The following PLPPR4 variants were observed in gnomAD, a reference collection of about 807,000 sequenced individuals.
PLPPR4 encodes phospholipid phosphatase related 4, also known as phospholipid phosphatase-related protein type 4.
A neutral mutation model predicts 56.6 loss-of-function variants in PLPPR4; 24 were observed. That is an observed-to-expected ratio of 0.42 (90% CI 0.31 to 0.60). The LOEUF is 0.60. Among genes scored for constraint, PLPPR4 ranks in the 20% least tolerant of loss-of-function variants. The pLI is 0.13. For missense variants in PLPPR4, 654 were observed against 885.8 expected, an observed-to-expected ratio of 0.74 and a Z score of 3.32; for synonymous variants, 326 against 328.1, an observed-to-expected ratio of 0.99 and a Z score of 0.07.
chr1:99,293,753 G>A (rs1292627042), intron 2 of PLPPR4, among the ~76,000 whole-genome samples: 2 of 152,168 alleles, frequency 1.3e-5, no homozygotes, highest in African/African-American at 4.8e-5. Flanking sequence ...AAGATACTAT[G>A]ATGAATACTA....
chr1:99,301,785 C>T lies in PLPPR4; in HGVS notation c.710C>T (p.Thr237Ile), dbSNP rs1053944118. 2 of 1,612,504 alleles carry T rather than the reference C, an allele frequency of 1.2e-6. No homozygotes were observed. The highest frequency in any genetic ancestry group is 1.7e-6 in the Non-Finnish European group (2 of 1,178,874). The change falls in exon 6 of 7, where the codon ACA (threonine) becomes ATA (isoleucine). Residue 237 changes from threonine to isoleucine, a missense_variant. Thr to Ile is a moderately conservative substitution (Grantham distance 89). Transcript: ENST00000370185. ...SKLLKPLLVF[T>I]FIICGIICGL... Reference sequence around the variant, plus strand: ...CTTCTGAAACCTCTCTTGGTCTTCACATTTATCATCTGTGGAATAATCTGC... The same window carrying T: ...CTTCTGAAACCTCTCTTGGTCTTCATATTTATCATCTGTGGAATAATCTGC...
rs756382926 is a variant in PLPPR4, at chr1:99,306,091, G to C, written c.1229G>C (p.Arg410Pro). 2 of 1,614,112 alleles carry C rather than the reference G, an allele frequency of 1.2e-6. No homozygotes were observed. Among genetic ancestry groups the C allele is most frequent in the Non-Finnish European group, 8.5e-7 (1 of 1,180,016 alleles). ...LTQWKNKNESRKLSLQVIEPE... is the reference protein window; with the variant it reads ...LTQWKNKNESPKLSLQVIEPE... ...CAGTGGAAGAATAAGAATGAAAGTC[G>C]AAAGTTGTCCTTGCAAGTTATAGAG... The change falls in exon 7 of 7, where the codon CGA (arginine) becomes CCA (proline). Residue 410 changes from arginine to proline, a missense_variant. This residue lies in a region of PLPPR4 where 468 missense variants were observed against 554.3 expected (regional missense o/e 0.84). Coordinates refer to ENST00000370185, the MANE Select transcript of PLPPR4 (RefSeq NM_014839.5). This position sits in a 1 kb window ranked among gnomAD's most constrained non-coding sequence, Gnocchi z 4.0.
Position 99,300,892 on chromosome 1 carries a change from CTA to C in PLPPR4, c.591-15_591-14del. 1 of 1,606,440 alleles carries C rather than the reference CTA, an allele frequency of 6.2e-7. No individual in the cohort carries two copies. On this transcript the variant is annotated splice_polypyrimidine_tract_variant and intron_variant, in intron 4 of 6. Transcript: ENST00000370185. ...ATCTGAACTACAAGGCATAATTTGACTATCTTCTTTTGGCAGAAAGTCCTTCC... is the reference window on the plus strand; with the variant it reads ...ATCTGAACTACAAGGCATAATTTGACTCTTCTTTTGGCAGAAAGTCCTTCC...
In PLPPR4 at chr1:99,306,042, G is replaced by C. The variant is rs1324045981; in HGVS notation, c.1180G>C (p.Ala394Pro). ...NASIHASMDSARSKQLLTQWK... is the reference protein window; with the variant it reads ...NASIHASMDSPRSKQLLTQWK... ...GAGCATTCATGCCTCTATGGATTCC[G>C]CTCGATCAAAGCAGCTCCTCACCCA... Residue 394 changes from alanine to proline, a missense_variant, in exon 7 of 7, where the codon GCT becomes CCT. Around this residue, in one of 2 missense-constraint regions of PLPPR4, gnomAD observed 468 missense variants for 554.3 expected, o/e 0.84. Transcript: ENST00000370185. This position sits in a 1 kb window ranked among gnomAD's most constrained non-coding sequence, Gnocchi z 4.0. 12 of 1,613,996 alleles carry C rather than the reference G, an allele frequency of 7.4e-6. No individual in the cohort carries two copies. The highest frequency in any genetic ancestry group is 1.0e-5 in the Non-Finnish European group (12 of 1,180,026).
At position 99,297,254 on chromosome 1, in the gene PLPPR4, T is replaced by G. The variant is rs12027425; in HGVS notation, c.394+387T>G. Among the ~76,000 whole-genome samples, 3 of 152,274 alleles carry G rather than the reference T, an allele frequency of 2.0e-5. No homozygotes were observed. In the East Asian group the frequency reaches 5.8e-4, roughly 29 times the overall value. ...GAATTACTTTAGCCACATTAATGAT[T>G]CCATTTCAATTGTCCTGGAGTGTTT... On this transcript the variant is annotated intron_variant, in intron 3 of 6. Coordinates refer to ENST00000370185, the MANE Select transcript of PLPPR4 (RefSeq NM_014839.5).
Position 99,270,336 on chromosome 1 carries a change from G to C in PLPPR4, c.78+5665G>C, listed in dbSNP as rs79285667. 6.5e-3 allele frequency among the ~76,000 whole-genome samples: 985 copies of C among 152,216 alleles called. 6 individuals carry two copies. The highest frequency in any genetic ancestry group is 0.016 in the South Asian group (77 of 4,828). On this transcript the variant is annotated intron_variant, in intron 1 of 6. Coordinates refer to ENST00000370185, the MANE Select transcript of PLPPR4 (RefSeq NM_014839.5). ...CCACTGCACCTGGCCTACTCAGAAA[G>C]TTTTCATTACTTTGAATGTGTACTT...
At chr1:99,265,975 G>GA (rs914578835) in intron 1 of PLPPR4, among the ~76,000 whole-genome samples, 9 of 151,000 alleles carry the variant, frequency 6.0e-5, no homozygotes, top group Admixed American at 1.3e-4. Context: ...TAGAAAAGAA[G>GA]AAAAAAAAAT....
chr1:99,288,621 A>C (rs980938102), intron 2 of PLPPR4, among the ~76,000 whole-genome samples: 1 of 152,124 alleles, frequency 6.6e-6, no homozygotes, highest in Non-Finnish European at 1.5e-5. Context: ...AATTATAAAG[A>C]TATAAAAACT....
In PLPPR4 at chr1:99,302,678, C is replaced by A. The variant is rs564773009; in HGVS notation, c.822+781C>A. On this transcript the variant is annotated intron_variant, in intron 6 of 6. Coordinates refer to ENST00000370185, the MANE Select transcript of PLPPR4 (RefSeq NM_014839.5). ...ATCCCTCCCCCCTCCCCCCACCCCACAACAGTCTCCAGAGTGTGATGTTCC... is the reference window on the plus strand; with the variant it reads ...ATCCCTCCCCCCTCCCCCCACCCCAAAACAGTCTCCAGAGTGTGATGTTCC... Among the ~76,000 whole-genome samples the A allele has an allele frequency of 9.5e-5, 11 of 115,796 alleles. No individual in the cohort carries two copies. The East Asian group carries it at 3.1e-3, about 32-fold the overall frequency. 76.0% of individuals were successfully genotyped at this position (115,796 alleles called of 152,430 possible).
chr1:99,290,441 A>G (rs565114855), intron 2 of PLPPR4, among the ~76,000 whole-genome samples: 2 of 152,224 alleles, frequency 1.3e-5, no homozygotes, highest in East Asian at 3.9e-4. Context: ...AGAAAAATCT[A>G]TTTCAAAATT....
At chr1:99,283,680 G>A (rs997156325) in intron 1 of PLPPR4, among the ~76,000 whole-genome samples, 1 of 152,210 alleles carries the variant, frequency 6.6e-6, no homozygotes, top group South Asian at 2.1e-4. Context: ...GCTGGGCGCG[G>A]TGGCTCACGC....
chr1:99,278,093 T>C (rs550866091), intron 1 of PLPPR4, among the ~76,000 whole-genome samples: 12 of 152,250 alleles, frequency 7.9e-5, no homozygotes, highest in African/African-American at 2.6e-4. Context: ...ATATTCTCTT[T>C]TTTATTTTGT....
chr1:99,263,858 C>A (rs1436085754), upstream of PLPPR4: 1 of 152,294 alleles, frequency 6.6e-6, no homozygotes, highest in Admixed American at 6.5e-5. Flanking sequence ...ATGCAAGGAA[C>A]CCACATCATT....
At chr1:99,269,254 G>C (rs898890951) in intron 1 of PLPPR4, among the ~76,000 whole-genome samples, 2 of 152,208 alleles carry the variant, frequency 1.3e-5, no homozygotes, top group African/African-American at 2.4e-5. Flanking sequence ...AGGACATGAA[G>C]TCATCCTTTT....
chr1:99,301,259 TG>T (rs955315367), intron 5 of PLPPR4, among the ~76,000 whole-genome samples: 181 of 151,954 alleles, frequency 1.2e-3, no homozygotes, highest in African/African-American at 4.1e-3. Context: ...TTACAAAACT[TG>T]AAAGAATCAC....
intron 1 of PLPPR4, among the ~76,000 whole-genome samples, chr1:99,267,148 G>T (rs540645980): frequency 6.6e-6 from 1 of 152,264 alleles, no homozygotes; most frequent in Non-Finnish European, 1.5e-5. Context: ...GATCTCAGGA[G>T]AAAACAGTCC....
At chr1:99,286,916 T>C (rs1440167035) in intron 1 of PLPPR4, among the ~76,000 whole-genome samples, 4 of 152,218 alleles carry the variant, frequency 2.6e-5, no homozygotes, top group African/African-American at 9.6e-5. Context: ...TTTGTTTGTT[T>C]TCTTTATTTC....
intron 4 of PLPPR4, among the ~76,000 whole-genome samples, chr1:99,300,240 A>G (rs1328762574): frequency 6.6e-6 from 1 of 151,930 alleles, no homozygotes; most frequent in Admixed American, 6.6e-5. Flanking sequence ...TTTTTAATTC[A>G]TTGAAACAAA....
chr1:99,304,993 A>T (rs548557876), intron 6 of PLPPR4, among the ~76,000 whole-genome samples: 1 of 152,220 alleles, frequency 6.6e-6, no homozygotes, highest in Non-Finnish European at 1.5e-5. Flanking sequence ...ACAAAATTAA[A>T]TAAAATCTGG....
Sources: gnomAD v4.1 joint callset for allele counts (sites outside exome capture counted in the v4.1 genomes callset) on GRCh38, gnomAD v4.1.1 for gene constraint, gnomAD v4.1.1 regional missense constraint, Gnocchi (gnomAD v3.1) non-coding constraint, MANE v1.5 for transcripts, NCBI Gene and HGNC (gene_info 2026-07-23, HGNC 2026-07-21) for gene names.